Variants in HCK observed in about 807,000 individuals in gnomAD.
The protein encoded by HCK is tyrosine-protein kinase HCK.
In HCK, 40 loss-of-function variants were observed where a neutral mutation model predicts 70.4. The observed-to-expected ratio is 0.57, with a 90% CI of 0.44 to 0.74. The LOEUF is 0.74. Among genes scored for constraint, HCK ranks in the 30% least tolerant of loss-of-function variants. HCK has a pLI of 0.00. For synonymous variants in HCK, 245 were observed against 263.2 expected (o/e 0.93, Z 0.67); for missense variants, 568 against 697.2 (o/e 0.81, Z 2.09).
intron 1 of HCK, among the ~76,000 whole-genome samples, chr20:32,061,033 G>C (rs1416341692): frequency 6.6e-6 from 1 of 152,134 alleles, no homozygotes; most frequent in Non-Finnish European, 1.5e-5. Flanking sequence ...GCCCAGGCTG[G>C]AGTGCAGTGG....
chr20:32,054,188 T>C (rs753309526), intron 1 of HCK: 4 of 456,436 alleles, frequency 8.8e-6, no homozygotes, highest in South Asian at 6.2e-5. Context: ...CTTGTATCAC[T>C]CTCAGTCCTG....
intron 1 of HCK, among the ~76,000 whole-genome samples, chr20:32,054,719 T>C (rs1389685244): frequency 6.6e-6 from 1 of 151,860 alleles, no homozygotes; most frequent in Non-Finnish European, 1.5e-5. Context: ...GGCAGGAGAA[T>C]GGCGTGAACC....
rs899774231 is a variant in HCK, at chr20:32,085,380, G to C, written c.835+837G>C. On this transcript the variant is annotated intron_variant, in intron 8 of 12. Transcript: ENST00000375852. ...AATACAACAATTAGCCAGGCGTGGT[G>C]GTGGGAGCCTGTAATCCCACCTACT... Among the ~76,000 whole-genome samples, 5 of 152,016 alleles carry C rather than the reference G, an allele frequency of 3.3e-5. 1 individual carries two copies. In the South Asian group the frequency reaches 1.0e-3, roughly 32 times the overall value.
At chr20:32,073,447 C>A in intron 3 of HCK, 86 bp downstream of exon 3, 1 of 1,174,750 alleles carries the variant, frequency 8.5e-7, no homozygotes, top group Non-Finnish European at 1.2e-6. Flanking sequence ...GCATAAATCC[C>A]AAACAGTCAA....
rs1048916400 is a variant in HCK at position 32,086,905 on chromosome 20, C to T, written c.1015+98C>T. ...ACATGGTTCTTGCCCTTGAGATGGC[C>T]CCAATCTGGCCAGGAGCTCTTCCAA... is the stretch of plus-strand genomic sequence containing the variant. On this transcript the variant is annotated intron_variant, in intron 9 of 12. Coordinates refer to ENST00000375852, the MANE Select transcript of HCK (RefSeq NM_002110.5). The T allele has an allele frequency of 9.3e-6, 10 of 1,080,914 alleles. No individual in the cohort carries two copies. In the African/African-American group the frequency reaches 1.2e-4, roughly 12 times the overall value. The allele number at this position is 1,080,914 out of a possible 1,614,324, so 67.0% of individuals were successfully genotyped here.
intron 1 of HCK, among the ~76,000 whole-genome samples, chr20:32,056,204 C>G (rs2045268667): frequency 2.0e-5 from 3 of 152,210 alleles, no homozygotes; most frequent in Non-Finnish European, 4.4e-5. Context: ...AGTAGAGTTA[C>G]TGGGTCATAT....
rs2045544909 is a variant in HCK, at chr20:32,071,864, G to A, written c.183+82G>A. Reference sequence around the variant, plus strand: ...CCCTAACAGCCTCCTGTCTTCCCAAGGTTGGGCAGGGTGAGCTTGGGGTGA... The same window carrying A: ...CCCTAACAGCCTCCTGTCTTCCCAAAGTTGGGCAGGGTGAGCTTGGGGTGA... On this transcript the variant is annotated intron_variant, in intron 2 of 12. Transcript: ENST00000375852. 3.3e-6 allele frequency: 5 copies of A among 1,526,134 alleles called. No individual in the cohort carries two copies. In the African/African-American group the frequency reaches 4.2e-5, roughly 13 times the overall value. 94.5% of individuals were successfully genotyped at this position (1,526,134 alleles called of 1,614,324 possible).
intron 1 of HCK, chr20:32,069,803 T>A: frequency 8.0e-7 from 1 of 1,243,300 alleles, no homozygotes; most frequent in South Asian, 1.3e-5. Context: ...AAGTAACTCA[T>A]CTAAGCCTAG....
At chr20:32,085,478 C>CA (rs1250428326) in intron 8 of HCK, among the ~76,000 whole-genome samples, 38 of 152,028 alleles carry the variant, frequency 2.5e-4, no homozygotes, top group African/African-American at 8.2e-4. Flanking sequence ...CGCACCACTG[C>CA]ACTCCAGCCT....
chr20:32,094,742 A>AAAGG (rs2045915985), intron 11 of HCK, among the ~76,000 whole-genome samples: 4 of 136,100 alleles, frequency 2.9e-5, no homozygotes, highest in African/African-American at 1.1e-4. Flanking sequence ...AGAAAGAAAG[A>AAAGG]AAGAAAGAAA....
chr20:32,086,790 C>T lies in HCK; in HGVS notation c.998C>T (p.Thr333Met), dbSNP rs757866724. 22 of 1,584,624 alleles carry T rather than the reference C, an allele frequency of 1.4e-5. No homozygotes were observed. Among genetic ancestry groups the T allele is most frequent in the Admixed American group, 6.9e-5 (4 of 57,938 alleles). ...ACCAAGGAGCCCATCTACATCATCACGGAGTTCATGGCCAAAGGTGCTGCG... is the reference window on the plus strand; with the variant it reads ...ACCAAGGAGCCCATCTACATCATCATGGAGTTCATGGCCAAAGGTGCTGCG... Residue 333 changes from threonine to methionine, a missense_variant, in exon 9 of 13, where the codon ACG becomes ATG. Physicochemically the swap from Thr to Met is moderately conservative, Grantham distance 81. Around this residue, in one of 4 missense-constraint regions of HCK, gnomAD observed 160 missense variants for 237.5 expected, o/e 0.67. Transcript: ENST00000375852.
intron 11 of HCK, among the ~76,000 whole-genome samples, chr20:32,097,708 G>A (rs1474594575): frequency 3.3e-5 from 5 of 151,776 alleles, no homozygotes; most frequent in Non-Finnish European, 7.4e-5. Context: ...AAGGAGGAAG[G>A]GAGAAAACAT....
intron 5 of HCK, 74 bp from the exon 6 acceptor site, chr20:32,079,700 C>A: frequency 1.0e-6 from 1 of 980,260 alleles, no homozygotes; most frequent in Non-Finnish European, 1.6e-6. Flanking sequence ...CCTGCATGGC[C>A]ACAGGCATCC....
rs1339017831 is a variant in HCK, at chr20:32,073,825, C to T, written c.329+7C>T. On this transcript the variant is annotated splice_region_variant and intron_variant, in intron 4 of 12. Transcript: ENST00000375852. ...AGATGGTGGTCCTAGAGGAGTGAGTCCCCATCCCACTCCCCCTAAGACAGA... is the reference window on the plus strand; with the variant it reads ...AGATGGTGGTCCTAGAGGAGTGAGTTCCCATCCCACTCCCCCTAAGACAGA... The T allele has an allele frequency of 2.0e-6, 3 of 1,494,206 alleles. No individual in the cohort carries two copies. 92.6% of individuals were successfully genotyped at this position (1,494,206 alleles called of 1,614,324 possible).
At chr20:32,053,328 G>C (rs2045210470) in intron 1 of HCK, among the ~76,000 whole-genome samples, 1 of 151,928 alleles carries the variant, frequency 6.6e-6, no homozygotes, top group Non-Finnish European at 1.5e-5. Context: ...TCACAGGGTT[G>C]TTTAGAGGAT....
Position 32,079,756 on chromosome 20 carries a change from C to T in HCK, c.429-18C>T. On this transcript the variant is annotated intron_variant, in intron 5 of 12. Coordinates refer to ENST00000375852, the MANE Select transcript of HCK (RefSeq NM_002110.5). ...GCATGACCCCAGGTTCACATTTGTC[C>T]CCTCCCTTTTCCATCAGGTGGTTTT... is the stretch of plus-strand genomic sequence containing the variant. 1 of 1,585,798 alleles carries T rather than the reference C, an allele frequency of 6.3e-7. No individual in the cohort carries two copies. Among genetic ancestry groups the T allele is most frequent in the Non-Finnish European group, 8.7e-7 (1 of 1,155,170 alleles).
chr20:32,071,969 G>A, intron 2 of HCK, 187 bp downstream of exon 2: 1 of 665,146 alleles, frequency 1.5e-6, no homozygotes, highest in African/African-American at 1.8e-5. Context: ...TAGGGGCAAA[G>A]AAGTCATCTC....
rs1417124720 is a variant in HCK, at chr20:32,052,422, G to T, written c.-3G>T. ...GCACCCCGGAACCTCAGGGGCTGCCGAGCTGGGGGGGCGCTCAAGCTGCGA... is the reference window on the plus strand; with the variant it reads ...GCACCCCGGAACCTCAGGGGCTGCCTAGCTGGGGGGGCGCTCAAGCTGCGA... On this transcript the variant is annotated 5_prime_UTR_variant, in exon 1 of 13. Coordinates refer to ENST00000375852, the MANE Select transcript of HCK (RefSeq NM_002110.5). 3.9e-6 allele frequency: 5 copies of T among 1,284,152 alleles called. No individual in the cohort carries two copies. Among genetic ancestry groups the T allele is most frequent in the Non-Finnish European group, 5.0e-6 (5 of 1,006,522 alleles). 79.5% of individuals were successfully genotyped at this position (1,284,152 alleles called of 1,614,324 possible).
intron 1 of HCK, among the ~76,000 whole-genome samples, chr20:32,068,260 C>T (rs6089163): frequency 0.18 from 27,900 of 150,896 alleles, 4,655 homozygotes; most frequent in African/African-American, 0.43. Flanking sequence ...ATGGCACCAC[C>T]GTACTCCAGC....
Sources: allele counts gnomAD v4.1 joint callset (sites outside exome capture counted in the v4.1 genomes callset), GRCh38; gene constraint gnomAD v4.1.1; regional missense constraint gnomAD v4.1.1; transcripts MANE v1.5; gene names NCBI Gene and HGNC (gene_info 2026-07-23, HGNC 2026-07-21).